Variants in GPBP1 observed in about 807,000 individuals in gnomAD.
GPBP1 encodes the protein vasculin.
Under a neutral mutation model 56.5 loss-of-function variants are expected in GPBP1, and 13 were observed. The ratio of observed to expected loss-of-function variants is 0.23; its 90% confidence interval spans 0.15 to 0.37. The LOEUF is 0.37. Ranked by LOEUF, GPBP1 falls within the 10% of genes least tolerant of loss-of-function variation. The pLI is 1.00. For synonymous variants in GPBP1, 204 were observed against 188.9 expected (o/e 1.08, Z -0.66); for missense variants, 477 against 572.3 (o/e 0.83, Z 1.70).
intron 3 of GPBP1, among the ~76,000 whole-genome samples, chr5:57,220,720 A>G (rs116337277): frequency 0.019 from 2,933 of 152,202 alleles, 94 homozygotes; most frequent in African/African-American, 0.067. Context: ...TCGGCCTCTC[A>G]TAGTGCTAGG....
chr5:57,237,915 A>G (rs1248381822), intron 6 of GPBP1, among the ~76,000 whole-genome samples: 1 of 152,132 alleles, frequency 6.6e-6, no homozygotes, highest in East Asian at 1.9e-4. Context: ...CTTAAACATG[A>G]TGCCCCAATT....
intron 2 of GPBP1, among the ~76,000 whole-genome samples, chr5:57,204,896 A>AT (rs1755164362): frequency 1.3e-5 from 2 of 152,132 alleles, no homozygotes; most frequent in African/African-American, 4.8e-5. Context: ...ATTTATCTGG[A>AT]TTTATGTTTT....
chr5:57,229,876 T>G (rs1483139008), intron 3 of GPBP1, among the ~76,000 whole-genome samples: 1 of 151,798 alleles, frequency 6.6e-6, no homozygotes, highest in African/African-American at 2.4e-5. Flanking sequence ...ATGCATTTTC[T>G]TTTTAGATTA....
intron 2 of GPBP1, among the ~76,000 whole-genome samples, chr5:57,184,668 A>G (rs1754207725): frequency 6.6e-6 from 1 of 152,208 alleles, no homozygotes; most frequent in African/African-American, 2.4e-5. Flanking sequence ...ACAGACATCC[A>G]AACTGCATCA....
At chr5:57,219,736 C>A (rs989551488) in intron 3 of GPBP1, among the ~76,000 whole-genome samples, 2 of 152,006 alleles carry the variant, frequency 1.3e-5, no homozygotes, top group African/African-American at 4.8e-5. Context: ...GATTTCATAG[C>A]TAACATAAAG....
chr5:57,219,139 G>A (rs919342698), intron 3 of GPBP1, among the ~76,000 whole-genome samples: 1 of 151,702 alleles, frequency 6.6e-6, no homozygotes, highest in Admixed American at 6.6e-5. Context: ...ACTTTAGGAG[G>A]CCAAGGCTGG....
chr5:57,219,404 C>CAAA (rs1491436205), intron 3 of GPBP1, among the ~76,000 whole-genome samples: 2 of 25,140 alleles, frequency 8.0e-5, no homozygotes, highest in Non-Finnish European at 1.3e-4. Context: ...AAAAAAAAAA[C>CAAA]CAAAAACAAA....
chr5:57,185,934 G>A (rs1754266311), intron 2 of GPBP1, among the ~76,000 whole-genome samples: 1 of 151,668 alleles, frequency 6.6e-6, no homozygotes, highest in African/African-American at 2.4e-5. Flanking sequence ...CAGCCTGGAC[G>A]ATGAGAGTGA....
chr5:57,183,477 G>A (rs1030249444), intron 2 of GPBP1, among the ~76,000 whole-genome samples: 19 of 152,084 alleles, frequency 1.2e-4, no homozygotes, highest in African/African-American at 4.3e-4. Flanking sequence ...CTGTAATCCA[G>A]CACAGGAAAT....
intron 9 of GPBP1, among the ~76,000 whole-genome samples, 183 bp from the exon 10 acceptor site, chr5:57,250,771 C>T (rs761728910): frequency 2.0e-5 from 3 of 152,066 alleles, no homozygotes; most frequent in Non-Finnish European, 4.4e-5. Flanking sequence ...TCGCAAACTC[C>T]TGACCTCAGA....
At chr5:57,219,393 A>ACC (rs1561348196) in intron 3 of GPBP1, among the ~76,000 whole-genome samples, 2 of 63,290 alleles carry the variant, frequency 3.2e-5, no homozygotes, top group Non-Finnish European at 5.5e-5. Context: ...AAAAAAAAAA[A>ACC]AAAAAAAAAA....
At chr5:57,189,038 G>GC (rs1402051461) in intron 2 of GPBP1, among the ~76,000 whole-genome samples, 1 of 152,150 alleles carries the variant, frequency 6.6e-6, no homozygotes, top group African/African-American at 2.4e-5. Context: ...TGTTGCCTAG[G>GC]CTGGAGTATA....
chr5:57,246,392 G>T lies in GPBP1; in HGVS notation c.571G>T (p.Val191Leu). Residue 191 changes from valine to leucine, a missense_variant, in exon 7 of 12, where the codon GTA becomes TTA. Around this residue, in one of 2 missense-constraint regions of GPBP1, gnomAD observed 414 missense variants for 458.2 expected, o/e 0.90. Transcript: ENST00000506184. ...CTTACAGCTATCTGGATTCCCAGTA[G>T]TAGGAAATCTTCCGTCACAGCCAGT... ...KDLQLSGFPV[V>L]GNLPSQPVKN... 1 of 1,613,706 alleles carries T rather than the reference G, an allele frequency of 6.2e-7. No individual in the cohort carries two copies. The highest frequency in any genetic ancestry group is 8.5e-7 in the Non-Finnish European group (1 of 1,179,632).
chr5:57,251,668 G>A (rs532268840), intron 10 of GPBP1, among the ~76,000 whole-genome samples: 6 of 150,052 alleles, frequency 4.0e-5, no homozygotes, highest in Non-Finnish European at 8.9e-5. Context: ...ATAAGTTCTT[G>A]TGTGGATATG....
chr5:57,220,913 C>G (rs1421940360), intron 3 of GPBP1, among the ~76,000 whole-genome samples: 1 of 99,960 alleles, frequency 1.0e-5, no homozygotes, highest in Non-Finnish European at 2.1e-5. Context: ...TGTAATTAAC[C>G]TCTTGTTTTC....
intron 6 of GPBP1, among the ~76,000 whole-genome samples, chr5:57,243,041 G>A (rs1379592516): frequency 6.6e-6 from 1 of 151,198 alleles, no homozygotes; most frequent in African/African-American, 2.4e-5. Context: ...GAGCCACTGC[G>A]CCCGGCCTAA....
chr5:57,186,725 A>G (rs993707009), intron 2 of GPBP1, among the ~76,000 whole-genome samples: 2 of 152,100 alleles, frequency 1.3e-5, no homozygotes, highest in African/African-American at 4.8e-5. Context: ...GTGCCACCAC[A>G]CCTGGCTGAT....
intron 2 of GPBP1, among the ~76,000 whole-genome samples, chr5:57,188,930 C>G (rs993082339): frequency 6.6e-6 from 1 of 152,156 alleles, no homozygotes; most frequent in East Asian, 1.9e-4. Flanking sequence ...TCAAAATCTC[C>G]TAAATGTATT....
At chr5:57,186,367 CAG>C (rs1391855504) in intron 2 of GPBP1, among the ~76,000 whole-genome samples, 1 of 149,952 alleles carries the variant, frequency 6.7e-6, no homozygotes, top group Non-Finnish European at 1.5e-5. Context: ...GTCTGGGTGA[CAG>C]AGCGGGACCT....
Sources: allele counts gnomAD v4.1 joint callset (sites outside exome capture counted in the v4.1 genomes callset), GRCh38; gene constraint gnomAD v4.1.1; regional missense constraint gnomAD v4.1.1; transcripts MANE v1.5; gene names NCBI Gene and HGNC (gene_info 2026-07-23, HGNC 2026-07-21).